The following SKAP2 variants were observed in gnomAD, a reference collection of about 807,000 sequenced individuals.
SKAP2 encodes src kinase-associated phosphoprotein 2.
SKAP2 carries 28 observed loss-of-function variants against 54.9 expected under a neutral mutation model. The observed-to-expected ratio is 0.51, with a 90% CI of 0.38 to 0.70. The LOEUF is 0.70. Ranked by LOEUF, SKAP2 falls within the 30% of genes least tolerant of loss-of-function variation. The pLI is 0.00. For missense variants in SKAP2, 356 were observed against 424.1 expected (o/e 0.84, Z 1.41); for synonymous variants, 137 against 134.3 (o/e 1.02, Z -0.14).
intron 4 of SKAP2, among the ~76,000 whole-genome samples, chr7:26,810,179 A>T (rs551672617): frequency 7.2e-5 from 11 of 152,014 alleles, no homozygotes; most frequent in African/African-American, 2.7e-4. Context: ...CCACAAAAAT[A>T]AAAAAATTAG....
chr7:26,733,169 T>G (rs1200366359), intron 6 of SKAP2, among the ~76,000 whole-genome samples: 3 of 151,986 alleles, frequency 2.0e-5, no homozygotes, highest in Non-Finnish European at 4.4e-5. Flanking sequence ...GTTTTAAAGT[T>G]AATACTTTCA....
At chr7:26,724,619 T>C (rs1001326552) in intron 9 of SKAP2, among the ~76,000 whole-genome samples, 48 of 152,178 alleles carry the variant, frequency 3.2e-4, no homozygotes, top group African/African-American at 1.0e-3. Context: ...AGTTAAATCT[T>C]GCTTATATTG....
intron 9 of SKAP2, among the ~76,000 whole-genome samples, chr7:26,714,501 T>C (rs940730311): frequency 6.6e-6 from 1 of 152,232 alleles, no homozygotes; most frequent in Admixed American, 6.5e-5. Flanking sequence ...AATTGGATTT[T>C]TTCCCATTTT....
intron 3 of SKAP2, among the ~76,000 whole-genome samples, chr7:26,850,479 A>G (rs764813340): frequency 1.3e-5 from 2 of 152,082 alleles, no homozygotes; most frequent in African/African-American, 2.4e-5. Flanking sequence ...CTAAATGGAA[A>G]AAGGATCACC....
intron 10 of SKAP2, among the ~76,000 whole-genome samples, chr7:26,689,011 T>G (rs1404128873): frequency 6.6e-6 from 1 of 152,198 alleles, no homozygotes; most frequent in Non-Finnish European, 1.5e-5. Flanking sequence ...AGTGCTAACA[T>G]GTAAAGATTT....
chr7:26,756,325 A>C (rs1454487051), intron 4 of SKAP2, among the ~76,000 whole-genome samples: 1 of 150,850 alleles, frequency 6.6e-6, no homozygotes, highest in Non-Finnish European at 1.5e-5. Context: ...TATCCCTCCC[A>C]CCTCCTCCCG....
intron 4 of SKAP2, among the ~76,000 whole-genome samples, chr7:26,832,279 T>C (rs1009507286): frequency 5.9e-5 from 9 of 152,214 alleles, no homozygotes; most frequent in Non-Finnish European, 8.8e-5. Context: ...TTCTATTGCT[T>C]ATAGCATCTT....
chr7:26,857,410 G>T (rs559981239), intron 1 of SKAP2: 5 of 974,848 alleles, frequency 5.1e-6, no homozygotes, highest in Non-Finnish European at 6.1e-6. Context: ...TGGTTTTTAA[G>T]CTTTTGAAAT....
chr7:26,727,046 T>C, intron 6 of SKAP2, 40 bp from the exon 7 acceptor site: 1 of 1,469,536 alleles, frequency 6.8e-7, no homozygotes, highest in Admixed American at 2.3e-5. Flanking sequence ...ATTTACTAAG[T>C]ATTAATGCTC....
chr7:26,828,474 A>G (rs1165421476), intron 4 of SKAP2, among the ~76,000 whole-genome samples: 3 of 150,882 alleles, frequency 2.0e-5, no homozygotes, highest in Admixed American at 6.6e-5. Context: ...TCAGGAGATC[A>G]AGACCATCCT....
intron 4 of SKAP2, among the ~76,000 whole-genome samples, chr7:26,781,964 T>A (rs1436103011): frequency 6.6e-6 from 1 of 152,216 alleles, no homozygotes; most frequent in Non-Finnish European, 1.5e-5. Flanking sequence ...CCTGTTAGCA[T>A]CATGTACCTC....
chr7:26,787,996 T>G (rs1394772570), intron 4 of SKAP2, among the ~76,000 whole-genome samples: 6 of 152,140 alleles, frequency 3.9e-5, no homozygotes, highest in Admixed American at 3.9e-4. Flanking sequence ...GCTGGGATTA[T>G]CAACATGGGA....
intron 11 of SKAP2, among the ~76,000 whole-genome samples, chr7:26,670,618 A>T (rs79758940): frequency 0.012 from 1,809 of 152,188 alleles, 34 homozygotes; most frequent in African/African-American, 0.041. Flanking sequence ...AATTTTTTTT[A>T]CAATAAACTA....
intron 4 of SKAP2, among the ~76,000 whole-genome samples, chr7:26,815,988 T>C (rs1784258005): frequency 6.6e-6 from 1 of 152,140 alleles, no homozygotes; most frequent in African/African-American, 2.4e-5. Flanking sequence ...AAATTTTGCT[T>C]GACATTAAAT....
chr7:26,699,390 T>C (rs764919834), intron 9 of SKAP2, among the ~76,000 whole-genome samples: 1 of 152,140 alleles, frequency 6.6e-6, no homozygotes, highest in Non-Finnish European at 1.5e-5. Flanking sequence ...GCTGTAAAAA[T>C]GTAAACAATG....
intron 6 of SKAP2, 103 bp from the exon 7 acceptor site, chr7:26,727,109 G>T: frequency 2.2e-6 from 2 of 929,766 alleles, no homozygotes; most frequent in East Asian, 5.5e-5. Context: ...AACATTTTTT[G>T]GTCATATTGC....
At chr7:26,767,346 G>A (rs891332659) in intron 4 of SKAP2, among the ~76,000 whole-genome samples, 1 of 152,066 alleles carries the variant, frequency 6.6e-6, no homozygotes, top group African/African-American at 2.4e-5. Flanking sequence ...GTGTCTATTC[G>A]ATTCTCTTCT....
At chr7:26,824,520 C>A (rs1402566829) in intron 4 of SKAP2, among the ~76,000 whole-genome samples, 1 of 152,054 alleles carries the variant, frequency 6.6e-6, no homozygotes, top group African/African-American at 2.4e-5. Context: ...TACCTATAGG[C>A]CAAATTTGTA....
intron 9 of SKAP2, among the ~76,000 whole-genome samples, chr7:26,701,932 C>T (rs1185778043): frequency 6.6e-6 from 1 of 151,732 alleles, no homozygotes; most frequent in Non-Finnish European, 1.5e-5. Flanking sequence ...TTATTCTTTC[C>T]CTGAATTTTC....
Sources: gnomAD v4.1 joint callset for allele counts (sites outside exome capture counted in the v4.1 genomes callset) on GRCh38, gnomAD v4.1.1 for gene constraint, MANE v1.5 for transcripts, NCBI Gene and HGNC (gene_info 2026-07-23, HGNC 2026-07-21) for gene names.